STPG2: variants seen among roughly 807,000 people sequenced by gnomAD.
STPG2 encodes the protein sperm-tail PG-rich repeat-containing protein 2.
A neutral mutation model predicts 54.2 loss-of-function variants in STPG2; 56 were observed. The ratio of observed to expected loss-of-function variants is 1.03; its 90% confidence interval spans 0.83 to 1.29. The LOEUF (loss-of-function observed/expected upper bound fraction) is 1.29, where lower values mean the gene tolerates loss of function less well. STPG2 is among the 50% of genes most tolerant of loss of function. The probability of loss-of-function intolerance (pLI) is 0.00; values close to 1 mark genes in which losing one functional copy is unlikely to be tolerated. For missense variants in STPG2, 596 were observed against 544.9 expected (o/e 1.09, Z -0.93); for synonymous variants, 200 against 181.8 (o/e 1.10, Z -0.81).
intron 8 of STPG2, among the ~76,000 whole-genome samples, chr4:97,910,494 A>G (rs533391702): frequency 6.6e-6 from 1 of 152,348 alleles, no homozygotes; most frequent in South Asian, 2.1e-4. Flanking sequence ...ATATAAACAG[A>G]ACAGAAAAGT....
At chr4:97,934,228 G>A (rs1732661353) in intron 8 of STPG2, among the ~76,000 whole-genome samples, 1 of 152,162 alleles carries the variant, frequency 6.6e-6, no homozygotes, top group Admixed American at 6.5e-5. Flanking sequence ...CTGAGACTTT[G>A]CTGAAGTTCC....
chr4:98,120,005 G>A (rs569104589), intron 3 of STPG2, among the ~76,000 whole-genome samples: 1 of 152,214 alleles, frequency 6.6e-6, no homozygotes, highest in Non-Finnish European at 1.5e-5. Flanking sequence ...TATCATTGAT[G>A]GCAGTTGGGT....
Position 97,923,676 on chromosome 4 carries a change from G to C in STPG2, c.1044+20221C>G, listed in dbSNP as rs879357696. ...TGTTGGGTACTTGGAGAATCTTTTT[G>C]TCTAGCTAAGGGATTGTGAATGCAC... On this transcript the variant is annotated intron_variant, in intron 8 of 10. Coordinates refer to ENST00000295268, the MANE Select transcript of STPG2 (RefSeq NM_174952.3). 5.9e-5 allele frequency among the ~76,000 whole-genome samples: 9 copies of C among 152,136 alleles called. No individual in the cohort carries two copies. In the East Asian group the frequency reaches 1.7e-3, roughly 29 times the overall value.
Position 97,841,058 on chromosome 4 carries a change from T to A in STPG2, c.1045-126A>T, listed in dbSNP as rs556129845. ...CCTAATACTTTTATTAATTAAACATTAAAAATAGAAACTTAAAAAGGAATT... is the reference window on the plus strand; with the variant it reads ...CCTAATACTTTTATTAATTAAACATAAAAAATAGAAACTTAAAAAGGAATT... On this transcript the variant is annotated intron_variant, in intron 8 of 10. Coordinates refer to ENST00000295268, the MANE Select transcript of STPG2 (RefSeq NM_174952.3). 9 of 915,566 alleles carry A rather than the reference T, an allele frequency of 9.8e-6. No individual in the cohort carries two copies. The Admixed American group carries it at 1.4e-4, about 15-fold the overall frequency. The allele number at this position is 915,566 out of a possible 1,614,324, so 56.7% of individuals were successfully genotyped here.
At chr4:97,668,933 G>A (rs1385819017) in intron 10 of STPG2, among the ~76,000 whole-genome samples, 2 of 151,960 alleles carry the variant, frequency 1.3e-5, no homozygotes, top group Non-Finnish European at 2.9e-5. Flanking sequence ...CACTTGAGAA[G>A]AAAATAGGAC....
intron 4 of STPG2, among the ~76,000 whole-genome samples, chr4:97,519,013 T>C (rs1236501730): frequency 6.6e-6 from 1 of 152,092 alleles, no homozygotes; most frequent in Non-Finnish European, 1.5e-5. Context: ...GAACTTTAGA[T>C]TCTAAGGGAC....
At chr4:97,743,466 A>T (rs1725329961) in intron 9 of STPG2, among the ~76,000 whole-genome samples, 1 of 151,926 alleles carries the variant, frequency 6.6e-6, no homozygotes, top group Middle Eastern at 3.4e-3. Context: ...CTTCTGGAAG[A>T]GTATGATAAA....
chr4:98,061,683 T>C (rs1350376750), intron 5 of STPG2, among the ~76,000 whole-genome samples: 1 of 151,424 alleles, frequency 6.6e-6, no homozygotes, highest in East Asian at 1.9e-4. Context: ...CAACCAACAA[T>C]CAAATGAAAA....
rs190711147 is a variant in STPG2 at position 97,564,076 on chromosome 4, T to C, written c.1321-4959A>G. Among the ~76,000 whole-genome samples, 632 of 152,322 alleles carry C rather than the reference T, an allele frequency of 4.1e-3. 3 individuals are homozygous for C. Among genetic ancestry groups the C allele is most frequent in the South Asian group, 0.02 (98 of 4,830 alleles). On this transcript the variant is annotated intron_variant, in intron 10 of 10. Transcript: ENST00000295268. The stretch of plus-strand genomic sequence containing the variant: ...TTATTGTGTGAGAGTCTAAGTCTCA[T>C]TGTAGGTCACTGAGGACTTGCTTTA...
intron 10 of STPG2, among the ~76,000 whole-genome samples, chr4:97,607,906 T>C (rs1163748279): frequency 3.3e-5 from 5 of 151,918 alleles, no homozygotes; most frequent in Non-Finnish European, 7.4e-5. Context: ...CAAGTACACA[T>C]GAGGTTCAGT....
At chr4:97,981,502 A>T (rs1734674509) in intron 5 of STPG2, among the ~76,000 whole-genome samples, 184 bp from the exon 6 acceptor site, 1 of 152,166 alleles carries the variant, frequency 6.6e-6, no homozygotes, top group Non-Finnish European at 1.5e-5. Flanking sequence ...GCTTTTAGTA[A>T]AATCACCTGT....
At chr4:97,962,591 C>G (rs1578735711) in intron 7 of STPG2, among the ~76,000 whole-genome samples, 1 of 152,186 alleles carries the variant, frequency 6.6e-6, no homozygotes, top group East Asian at 1.9e-4. Context: ...TTAGTTACAC[C>G]TGTAGATAGT....
chr4:98,052,537 TA>T (rs1049065657), intron 5 of STPG2, among the ~76,000 whole-genome samples: 9 of 152,214 alleles, frequency 5.9e-5, no homozygotes, highest in Non-Finnish European at 1.2e-4. Flanking sequence ...TTAAATTAAA[TA>T]TGTTTTTATG....
chr4:98,023,132 C>T (rs113343296), intron 5 of STPG2, among the ~76,000 whole-genome samples: 69 of 152,204 alleles, frequency 4.5e-4, no homozygotes, highest in Non-Finnish European at 7.2e-4. Context: ...TCTGTTTTTT[C>T]GCCATCTTTG....
At chr4:97,687,054 C>A (rs897675435) in intron 10 of STPG2, among the ~76,000 whole-genome samples, 3 of 151,588 alleles carry the variant, frequency 2.0e-5, no homozygotes, top group Admixed American at 6.6e-5. Context: ...CATTCTCCTG[C>A]CTCAGCCTCC....
At chr4:97,674,542 C>T (rs1451947234) in intron 10 of STPG2, among the ~76,000 whole-genome samples, 2 of 152,034 alleles carry the variant, frequency 1.3e-5, no homozygotes, top group Admixed American at 6.6e-5. Flanking sequence ...TTAAACAGAA[C>T]AGCATGATAA....
At chr4:97,841,417 C>T (rs2149122127) in intron 8 of STPG2, among the ~76,000 whole-genome samples, 1 of 151,638 alleles carries the variant, frequency 6.6e-6, no homozygotes, top group East Asian at 1.9e-4. Flanking sequence ...TTTATATGAA[C>T]TGCAGTCATA....
intron 2 of STPG2, among the ~76,000 whole-genome samples, chr4:98,133,052 T>A (rs1329355684): frequency 1.3e-5 from 2 of 151,886 alleles, no homozygotes; most frequent in African/African-American, 2.4e-5. Context: ...AACATTTTGG[T>A]CATTTCCAGA....
chr4:97,460,052 T>A (rs918260124), intron 4 of STPG2, among the ~76,000 whole-genome samples: 12 of 152,162 alleles, frequency 7.9e-5, no homozygotes, highest in Non-Finnish European at 1.3e-4. Context: ...AATCAGGTAA[T>A]TAGTAATTGA....
Sources: allele counts gnomAD v4.1 joint callset (sites outside exome capture counted in the v4.1 genomes callset), GRCh38; gene constraint gnomAD v4.1.1; transcripts MANE v1.5; gene names NCBI Gene and HGNC (gene_info 2026-07-23, HGNC 2026-07-21).